Variants in ALDH1L2 observed in about 807,000 individuals in gnomAD.
The protein encoded by ALDH1L2 is aldehyde dehydrogenase 1 family member L2.
ALDH1L2 carries 91 observed loss-of-function variants against 111.0 expected under a neutral mutation model. That is an observed-to-expected ratio of 0.82 (90% confidence interval 0.69 to 0.98). The LOEUF (loss-of-function observed/expected upper bound fraction) is 0.98. ALDH1L2 is among the 50% of genes least tolerant of loss of function. The pLI is 0.00. For synonymous variants in ALDH1L2, 374 were observed against 392.6 expected (o/e 0.95, Z 0.56); for missense variants, 995 against 1,126.8 (o/e 0.88, Z 1.67).
intron 11 of ALDH1L2, 31 bp from the exon 12 acceptor site, chr12:105,052,248 TG>T: frequency 6.5e-7 from 1 of 1,540,352 alleles, no homozygotes; most frequent in South Asian, 1.3e-5. Flanking sequence ...ATAGGCCCCA[TG>T]AGAGATATGA....
intron 18 of ALDH1L2, among the ~76,000 whole-genome samples, chr12:105,037,760 AT>A (rs535273628): frequency 1.4e-5 from 2 of 141,364 alleles, no homozygotes; most frequent in South Asian, 2.5e-4. Flanking sequence ...GCAAGCACCT[AT>A]TTTTTTTTCT....
intron 1 of ALDH1L2, among the ~76,000 whole-genome samples, chr12:105,076,329 T>C (rs1878051698): frequency 6.6e-6 from 1 of 152,080 alleles, no homozygotes; most frequent in Non-Finnish European, 1.5e-5. Context: ...CAGGAAGAAA[T>C]GGTGGAAATA....
chr12:105,052,369 A>G lies in ALDH1L2; in HGVS notation c.1408-152T>C, dbSNP rs577017483. The G allele has an allele frequency of 1.3e-5, 10 of 790,172 alleles. No homozygotes were observed. The South Asian group carries it at 3.2e-4, about 25-fold the overall frequency. The allele number at this position is 790,172 out of a possible 1,614,324, so 48.9% of individuals were successfully genotyped here. On this transcript the variant is annotated intron_variant, in intron 11 of 22. Coordinates refer to ENST00000258494, the MANE Select transcript of ALDH1L2 (RefSeq NM_001034173.4). ...TATATCTAGTACTACAGTAAAGAAA[A>G]AGAACAATTTTAATATGAAAATTGT...
At chr12:105,066,264 T>A (rs1359225709) in intron 5 of ALDH1L2, among the ~76,000 whole-genome samples, 1 of 152,156 alleles carries the variant, frequency 6.6e-6, no homozygotes, top group African/African-American at 2.4e-5. Context: ...GCTTGTTTGT[T>A]TGTTTGTTTG....
intron 18 of ALDH1L2, among the ~76,000 whole-genome samples, chr12:105,036,436 ATT>A (rs1491193559): frequency 9.2e-6 from 1 of 109,138 alleles, no homozygotes. Context: ...ATGTGTATAT[ATT>A]ATATATATCC....
At chr12:105,073,561 A>G (rs1226376245) in intron 2 of ALDH1L2, among the ~76,000 whole-genome samples, 2 of 152,190 alleles carry the variant, frequency 1.3e-5, no homozygotes, top group East Asian at 3.8e-4. Flanking sequence ...TCCTTTAGCA[A>G]TGGATTCCCT....
At chr12:105,056,808 T>C (rs1265481751) in intron 10 of ALDH1L2, among the ~76,000 whole-genome samples, 1 of 149,956 alleles carries the variant, frequency 6.7e-6, no homozygotes, top group Non-Finnish European at 1.5e-5. Context: ...TAAAAAGGCA[T>C]ACTAGACATA....
rs1479530584 is a variant in ALDH1L2, at chr12:105,019,899, A to G, written c.*4525T>C. The G allele has an allele frequency of 6.6e-6, 1 of 152,240 alleles. No homozygotes were observed. Among genetic ancestry groups the G allele is most frequent in the African/African-American group, 2.4e-5 (1 of 41,466 alleles). The allele number at this position is 152,240 out of a possible 1,614,324, so 9.4% of individuals were successfully genotyped here. ...TGTTAATTATGTAAAAAAAGTATAC[A>G]TATTCATAGAAAAAGTTTGGAACAA... On this transcript the variant is annotated 3_prime_UTR_variant, in exon 23 of 23. Coordinates refer to ENST00000258494, the MANE Select transcript of ALDH1L2 (RefSeq NM_001034173.4).
chr12:105,042,134 A>G (rs1296268353), intron 15 of ALDH1L2, among the ~76,000 whole-genome samples: 1 of 152,150 alleles, frequency 6.6e-6, no homozygotes, highest in African/African-American at 2.4e-5. Context: ...ATATACCTAT[A>G]TCCATTTCTT....
intron 1 of ALDH1L2, among the ~76,000 whole-genome samples, chr12:105,078,672 C>CCCTGTACTCGGGAATCCA (rs1878192076): frequency 6.6e-6 from 1 of 152,136 alleles, no homozygotes; most frequent in African/African-American, 2.4e-5. Flanking sequence ...AAGAAGCAGT[C>CCCTGTACTCGGGAATCCA]CCTGTACTCG....
intron 15 of ALDH1L2, 64 bp downstream of exon 15, chr12:105,046,646 A>G (rs567293682): frequency 2.2e-6 from 3 of 1,383,244 alleles, no homozygotes; most frequent in Non-Finnish European, 2.0e-6. Context: ...AATATATTTC[A>G]CTTTTTTGAA....
intron 1 of ALDH1L2, among the ~76,000 whole-genome samples, chr12:105,074,791 C>T (rs1877950785): frequency 6.6e-6 from 1 of 152,164 alleles, no homozygotes; most frequent in Admixed American, 6.5e-5. Context: ...TAGGAATGGA[C>T]TTAAAAGGAT....
chr12:105,034,924 C>T (rs180836333), intron 18 of ALDH1L2, among the ~76,000 whole-genome samples: 7 of 152,218 alleles, frequency 4.6e-5, no homozygotes, highest in Non-Finnish European at 8.8e-5. Context: ...GCGGAGGTTG[C>T]AGTGAGCTGA....
intron 6 of ALDH1L2, 58 bp from the exon 7 acceptor site, chr12:105,063,080 A>G (rs1462981387): frequency 3.3e-6 from 5 of 1,523,712 alleles, no homozygotes; most frequent in South Asian, 2.6e-5. Flanking sequence ...TCATAGCGGT[A>G]TGTATAAGCA....
At position 105,070,553 on chromosome 12, in the gene ALDH1L2, AAAAG is replaced by A. The variant is rs1253011026; in HGVS notation, c.428+13_428+16del. 6.3e-7 allele frequency: 1 copy of A among 1,586,956 alleles called. No individual in the cohort carries two copies. Among genetic ancestry groups the A allele is most frequent in the Non-Finnish European group, 8.6e-7 (1 of 1,166,804 alleles). On this transcript the variant is annotated intron_variant, in intron 3 of 22. Transcript: ENST00000258494. ...GACCCCATCTCAAAAAAAAAAAGTAAAAAGAAAAAATCTCACCAATTGATAGCAG... is the reference window on the plus strand; with the variant it reads ...GACCCCATCTCAAAAAAAAAAAGTAAAAAAAATCTCACCAATTGATAGCAG...
rs752391035 is a variant in ALDH1L2, at chr12:105,040,622, T to A, written c.1936A>T (p.Ile646Phe). The A allele has an allele frequency of 6.2e-7, 1 of 1,614,124 alleles. No homozygotes were observed. The highest frequency in any genetic ancestry group is 2.2e-5 in the East Asian group (1 of 44,878). ...KAGFPKGVIN[I>F]IPGSGGIAGQ... ...AGTGGCTTACCTGAGCCTGGAATGATGTTGATGACCCCCTTTGGAAAGCCT... is the reference window on the plus strand; with the variant it reads ...AGTGGCTTACCTGAGCCTGGAATGAAGTTGATGACCCCCTTTGGAAAGCCT... The change falls in exon 16 of 23, where the codon ATC becomes TTC. Residue 646 changes from isoleucine (I) to phenylalanine (F), a missense_variant. Ile to Phe is a conservative substitution (Grantham distance 21). Transcript: ENST00000258494.
chr12:105,031,571 C>T (rs1043254764), intron 20 of ALDH1L2, among the ~76,000 whole-genome samples, 198 bp downstream of exon 20: 6 of 152,166 alleles, frequency 3.9e-5, no homozygotes, highest in African/African-American at 1.4e-4. Context: ...GCCTCCTCCG[C>T]TCACGTTAAC....
chr12:105,071,633 TATATA>T (rs1877711456), intron 2 of ALDH1L2, among the ~76,000 whole-genome samples: 3 of 16,454 alleles, frequency 1.8e-4, no homozygotes, highest in East Asian at 1.8e-3. Context: ...TATATATATA[TATATA>T]TATATTTTTT....
intron 10 of ALDH1L2, 65 bp from the exon 11 acceptor site, chr12:105,052,996 A>G (rs760052649): frequency 4.5e-6 from 7 of 1,557,078 alleles, no homozygotes; most frequent in African/African-American, 1.4e-5. Context: ...TCAAACAGCA[A>G]TAAAGAAGCA....
Sources: gnomAD v4.1 joint callset for allele counts (sites outside exome capture counted in the v4.1 genomes callset) on GRCh38, gnomAD v4.1.1 for gene constraint, MANE v1.5 for transcripts, NCBI Gene and HGNC (gene_info 2026-07-23, HGNC 2026-07-21) for gene names.